CPA6: variants seen among roughly 807,000 people sequenced by gnomAD.
The protein encoded by CPA6 is carboxypeptidase A6, also known as carboxypeptidase B.
Under a neutral mutation model 63.3 loss-of-function variants are expected in CPA6, and 58 were observed. The observed-to-expected ratio is 0.92, with a 90% CI of 0.74 to 1.14. CPA6 has a LOEUF of 1.14. Among genes scored for constraint, CPA6 ranks in the 50% most tolerant of loss-of-function variants. CPA6 has a pLI of 0.00. For synonymous variants in CPA6, 185 were observed against 179.0 expected (o/e 1.03, Z -0.27); for missense variants, 565 against 526.6 (o/e 1.07, Z -0.71).
intron 2 of CPA6, among the ~76,000 whole-genome samples, chr8:67,531,464 T>C (rs1482747908): frequency 6.6e-6 from 1 of 152,156 alleles, no homozygotes; most frequent in Non-Finnish European, 1.5e-5. Context: ...GCTATATTAA[T>C]AGCAGCAAAA....
chr8:67,572,817 CA>C lies in CPA6; in HGVS notation c.192+51358del, dbSNP rs950646721. Among the ~76,000 whole-genome samples the C allele has an allele frequency of 2.0e-4, 30 of 152,136 alleles. 1 individual carries two copies. The highest frequency in any genetic ancestry group is 5.9e-5 in the Non-Finnish European group (4 of 68,028). On this transcript the variant is annotated intron_variant, in intron 2 of 10. Coordinates refer to ENST00000297770, the MANE Select transcript of CPA6 (RefSeq NM_020361.5). Reference sequence around the variant, plus strand: ...GCAATAACCTGACACCAAGGCCGGACAAAAATATCACAAAATAAGAAAACTA... The same window carrying C: ...GCAATAACCTGACACCAAGGCCGGACAAAATATCACAAAATAAGAAAACTA...
At chr8:67,656,375 A>G (rs1457720218) in intron 1 of CPA6, among the ~76,000 whole-genome samples, 2 of 152,132 alleles carry the variant, frequency 1.3e-5, no homozygotes, top group East Asian at 3.9e-4. Flanking sequence ...ACTCTCTTCA[A>G]CTATTCCCAC....
intron 1 of CPA6, among the ~76,000 whole-genome samples, chr8:67,737,063 CAG>C: frequency 6.6e-6 from 1 of 152,282 alleles, no homozygotes; most frequent in Admixed American, 6.5e-5. Context: ...TCAATGATGG[CAG>C]AGAGAACTTT....
chr8:67,516,789 T>C (rs1311634107), intron 3 of CPA6, among the ~76,000 whole-genome samples: 1 of 152,064 alleles, frequency 6.6e-6, no homozygotes, highest in African/African-American at 2.4e-5. Flanking sequence ...GTCTTCCACT[T>C]GCTCTTTTCT....
chr8:67,562,503 T>C (rs1813236378), intron 2 of CPA6, among the ~76,000 whole-genome samples: 1 of 152,110 alleles, frequency 6.6e-6, no homozygotes, highest in Admixed American at 6.5e-5. Context: ...TACTCTGCAT[T>C]CGTTTTGTGG....
intron 8 of CPA6, among the ~76,000 whole-genome samples, chr8:67,464,797 TTTGTTGAA>T (rs1810890256): frequency 6.6e-6 from 1 of 152,238 alleles, no homozygotes; most frequent in Admixed American, 6.5e-5. Context: ...TTCTGTCGAC[TTTGTTGAA>T]GATCAGATGG....
At chr8:67,601,092 A>C (rs551539492) in intron 2 of CPA6, among the ~76,000 whole-genome samples, 20 of 152,318 alleles carry the variant, frequency 1.3e-4, no homozygotes, top group African/African-American at 4.6e-4. Context: ...ACAGTTGAGT[A>C]CAAATCCTCA....
At chr8:67,546,502 T>C (rs1477240633) in intron 2 of CPA6, among the ~76,000 whole-genome samples, 1 of 152,234 alleles carries the variant, frequency 6.6e-6, no homozygotes. Flanking sequence ...ATAGTCTTTG[T>C]AGACATCTTT....
intron 1 of CPA6, among the ~76,000 whole-genome samples, chr8:67,630,178 T>A (rs1401559944): frequency 6.6e-6 from 1 of 151,668 alleles, no homozygotes; most frequent in Non-Finnish European, 1.5e-5. Flanking sequence ...AACCCACTTA[T>A]TCTAGTTCAG....
chr8:67,436,754 A>G (rs1487187726), intron 8 of CPA6, among the ~76,000 whole-genome samples: 1 of 152,240 alleles, frequency 6.6e-6, no homozygotes, highest in African/African-American at 2.4e-5. Flanking sequence ...TAACAATCAC[A>G]AAGTATTATG....
intron 1 of CPA6, among the ~76,000 whole-genome samples, chr8:67,642,528 A>C (rs1406913077): frequency 6.6e-6 from 1 of 152,190 alleles, no homozygotes; most frequent in Non-Finnish European, 1.5e-5. Flanking sequence ...AAGAATAAGA[A>C]ACAGGCAACG....
At chr8:67,584,982 C>T (rs943997207) in intron 2 of CPA6, among the ~76,000 whole-genome samples, 10 of 151,682 alleles carry the variant, frequency 6.6e-5, no homozygotes, top group South Asian at 6.2e-4. Context: ...CCTTCTCATT[C>T]GATAAAGAGC....
At chr8:67,614,253 C>G (rs1429829475) in intron 2 of CPA6, among the ~76,000 whole-genome samples, 5 of 152,206 alleles carry the variant, frequency 3.3e-5, no homozygotes, top group Non-Finnish European at 7.3e-5. Flanking sequence ...GCTCCCCATC[C>G]CACATGGGGT....
chr8:67,448,639 G>GAAAAAAAAAA lies in CPA6; in HGVS notation c.839-14409_839-14400dup, dbSNP rs61317091. 8.3e-3 allele frequency among the ~76,000 whole-genome samples: 192 copies of GAAAAAAAAAA among 23,248 alleles called. 4 individuals carry two copies. Among genetic ancestry groups the GAAAAAAAAAA allele is most frequent in the African/African-American group, 0.028 (166 of 5,898 alleles). The allele number at this position is 23,248 out of a possible 152,430, so 15.3% of individuals were successfully genotyped here. On this transcript the variant is annotated intron_variant, in intron 8 of 10. Coordinates refer to ENST00000297770, the MANE Select transcript of CPA6 (RefSeq NM_020361.5). ...AGAGTGAGACCCTATCTCAAAAAAG[G>GAAAAAAAAAA]AAAAAAAAAAAAAAAGGAAAGAACG...
intron 1 of CPA6, among the ~76,000 whole-genome samples, chr8:67,722,518 T>C (rs1425655166): frequency 6.6e-6 from 1 of 152,218 alleles, no homozygotes; most frequent in Non-Finnish European, 1.5e-5. Context: ...TTACATATCC[T>C]ATATGCTAAG....
chr8:67,744,262 C>T (rs1308241729), intron 1 of CPA6, among the ~76,000 whole-genome samples: 1 of 152,162 alleles, frequency 6.6e-6, no homozygotes, highest in African/African-American at 2.4e-5. Flanking sequence ...TCATCTTTTT[C>T]TTCCCTCCTA....
intron 2 of CPA6, among the ~76,000 whole-genome samples, chr8:67,595,386 C>T (rs1814299832): frequency 6.6e-6 from 1 of 152,240 alleles, no homozygotes; most frequent in South Asian, 2.1e-4. Flanking sequence ...CAGCTGCATG[C>T]TGGGAGAACT....
intron 1 of CPA6, among the ~76,000 whole-genome samples, chr8:67,683,145 T>C (rs747789340): frequency 1.3e-5 from 2 of 152,212 alleles, no homozygotes; most frequent in Non-Finnish European, 2.9e-5. Context: ...TGTTTGCTTA[T>C]TCCCCCTGTG....
At chr8:67,488,271 G>A (rs1171349826) in intron 6 of CPA6, among the ~76,000 whole-genome samples, 1 of 152,152 alleles carries the variant, frequency 6.6e-6, no homozygotes, top group Non-Finnish European at 1.5e-5. Context: ...TTCTACATAT[G>A]GCTAGCCAGT....
Sources: gnomAD v4.1 joint callset for allele counts (sites outside exome capture counted in the v4.1 genomes callset) on GRCh38, gnomAD v4.1.1 for gene constraint, MANE v1.5 for transcripts, NCBI Gene and HGNC (gene_info 2026-07-23, HGNC 2026-07-21) for gene names.